The following WNT8B variants were observed in gnomAD, a reference collection of about 807,000 sequenced individuals.
The protein encoded by WNT8B is protein Wnt-8b.
A neutral mutation model predicts 36.6 loss-of-function variants in WNT8B; 24 were observed. The observed-to-expected ratio is 0.66, with a 90% confidence interval of 0.48 to 0.92. WNT8B has a LOEUF of 0.92. WNT8B is among the 40% of genes least tolerant of loss of function. WNT8B has a pLI of 0.00. For missense variants in WNT8B, 402 were observed against 470.8 expected, an observed-to-expected ratio of 0.85 and a Z score of 1.35; for synonymous variants, 199 against 189.8, an observed-to-expected ratio of 1.05 and a Z score of -0.40.
At chr10:100,464,930 A>G (rs1251469224) in intron 1 of WNT8B, among the ~76,000 whole-genome samples, 4 of 152,234 alleles carry the variant, frequency 2.6e-5, no homozygotes, top group Non-Finnish European at 5.9e-5. Flanking sequence ...TAATGAAACT[A>G]TCACGGTTTT....
Position 100,476,511 on chromosome 10 carries a change from T to C in WNT8B, c.69-2541T>C, listed in dbSNP as rs9419895. Among the ~76,000 whole-genome samples, 869 of 152,322 alleles carry C rather than the reference T, an allele frequency of 5.7e-3. 12 individuals are homozygous for C. Among genetic ancestry groups the C allele is most frequent in the African/African-American group, 0.019 (773 of 41,560 alleles). ...AAGCTCTTTTGGCCTGACAAGAAACTTTCTTGGTCTATTTCATTTCCAATC... is the reference window on the plus strand; with the variant it reads ...AAGCTCTTTTGGCCTGACAAGAAACCTTCTTGGTCTATTTCATTTCCAATC... On this transcript the variant is annotated intron_variant, in intron 1 of 5. Coordinates refer to ENST00000343737, the MANE Select transcript of WNT8B (RefSeq NM_003393.4).
At chr10:100,467,007 G>A (rs1012988895) in intron 1 of WNT8B, among the ~76,000 whole-genome samples, 4 of 151,766 alleles carry the variant, frequency 2.6e-5, no homozygotes, top group African/African-American at 9.7e-5. Flanking sequence ...AAAAGATCAG[G>A]CTAGGTTAAC....
intron 4 of WNT8B, 111 bp from the exon 5 acceptor site, chr10:100,481,801 T>TAA: frequency 6.8e-7 from 1 of 1,460,260 alleles, no homozygotes; most frequent in African/African-American, 1.4e-5. Context: ...CGCCCAACCT[T>TAA]AATCCTCTCC....
In WNT8B at chr10:100,482,545, T is replaced by G. The variant is rs1479197690; in HGVS notation, c.785T>G (p.Leu262Arg). 6.3e-7 allele frequency: 1 copy of G among 1,599,422 alleles called. No homozygotes were observed. Among genetic ancestry groups the G allele is most frequent in the African/African-American group, 1.3e-5 (1 of 75,010 alleles). The change falls in exon 6 of 6, where the codon CTA (leucine) becomes CGA (arginine). Residue 262 changes from leucine (L) to arginine (R), a missense_variant. Leu to Arg is a moderately radical substitution (Grantham distance 102). Around this residue, in one of 3 missense-constraint regions of WNT8B, gnomAD observed 256 missense variants for 278.6 expected, o/e 0.92. Coordinates refer to ENST00000343737, the MANE Select transcript of WNT8B (RefSeq NM_003393.4). This position sits in a 1 kb window ranked among gnomAD's most constrained non-coding sequence, Gnocchi z 6.6. ...GACTACTGCCTGGAGAACAAAACGCTAGGGCTGCTGGGCACCGAAGGCCGA... is the reference window on the plus strand; with the variant it reads ...GACTACTGCCTGGAGAACAAAACGCGAGGGCTGCTGGGCACCGAAGGCCGA... ...SPDYCLENKTLGLLGTEGREC... is the reference protein window; with the variant it reads ...SPDYCLENKTRGLLGTEGREC...
chr10:100,464,205 A>G (rs1463432658), intron 1 of WNT8B, among the ~76,000 whole-genome samples: 1 of 152,196 alleles, frequency 6.6e-6, no homozygotes, highest in African/African-American at 2.4e-5. Flanking sequence ...TTTATCATAA[A>G]TGAGTGTAGC....
At chr10:100,467,237 G>T (rs1850916758) in intron 1 of WNT8B, among the ~76,000 whole-genome samples, 1 of 152,056 alleles carries the variant, frequency 6.6e-6, no homozygotes, top group Non-Finnish European at 1.5e-5. Flanking sequence ...TGCTTCTTAG[G>T]TTAGAGTTTT....
intron 1 of WNT8B, among the ~76,000 whole-genome samples, chr10:100,474,343 A>C (rs1251937644): frequency 6.6e-6 from 1 of 152,224 alleles, no homozygotes; most frequent in Admixed American, 6.5e-5. Flanking sequence ...TCTTAAATTT[A>C]CATCTTCAGT....
intron 1 of WNT8B, among the ~76,000 whole-genome samples, chr10:100,466,607 T>G (rs1850909857): frequency 6.6e-6 from 1 of 152,150 alleles, no homozygotes; most frequent in South Asian, 2.1e-4. Flanking sequence ...GATGCATCTT[T>G]GTTTTAGTTT....
At chr10:100,475,097 G>C (rs1466297840) in intron 1 of WNT8B, among the ~76,000 whole-genome samples, 1 of 151,880 alleles carries the variant, frequency 6.6e-6, no homozygotes, top group Non-Finnish European at 1.5e-5. Context: ...AAAATTAGCT[G>C]GGTGTGGTGG....
chr10:100,481,340 T>C (rs1323583832), intron 4 of WNT8B, among the ~76,000 whole-genome samples: 1 of 152,152 alleles, frequency 6.6e-6, no homozygotes, highest in East Asian at 1.9e-4. Flanking sequence ...TTAATTTAAA[T>C]ATAAAAATAA....
At chr10:100,471,880 C>T (rs1044983544) in intron 1 of WNT8B, among the ~76,000 whole-genome samples, 2 of 152,056 alleles carry the variant, frequency 1.3e-5, no homozygotes, top group African/African-American at 4.8e-5. Context: ...CACAACGAGA[C>T]CCTGTCTCTA....
rs138709733 is a variant in WNT8B at position 100,482,549 on chromosome 10, G to T, written c.789G>T (p.Gly263=). The T allele has an allele frequency of 5.0e-5, 80 of 1,599,138 alleles. No homozygotes were observed. In the Middle Eastern group the frequency reaches 1.2e-3, roughly 23 times the overall value. The part of the protein sequence containing the change: ...PDYCLENKTL[G]LLGTEGRECL... Reference sequence around the variant, plus strand: ...ACTGCCTGGAGAACAAAACGCTAGGGCTGCTGGGCACCGAAGGCCGAGAGT... The same window carrying T: ...ACTGCCTGGAGAACAAAACGCTAGGTCTGCTGGGCACCGAAGGCCGAGAGT... Residue 263 remains glycine (G), a synonymous_variant, in exon 6 of 6, where the codon GGG becomes GGT. Transcript: ENST00000343737. This position sits in a 1 kb window ranked among gnomAD's most constrained non-coding sequence, Gnocchi z 6.6.
Position 100,482,309 on chromosome 10 carries a change from C to T in WNT8B, c.549C>T (p.His183=), listed in dbSNP as rs758327728. The change falls in exon 6 of 6, where the codon CAC becomes CAT. Residue 183 remains histidine, a synonymous_variant. Coordinates refer to ENST00000343737, the MANE Select transcript of WNT8B (RefSeq NM_003393.4). This position sits in a 1 kb window ranked among gnomAD's most constrained non-coding sequence, Gnocchi z 6.6. ...CCATGAAACGCACGTGCAAGTGCCA[C>T]GGCGTGTCTGGCAGCTGCACCACGC... ...KGTMKRTCKC[H]GVSGSCTTQT... 2.5e-6 allele frequency: 4 copies of T among 1,597,260 alleles called. No individual in the cohort carries two copies. The highest frequency in any genetic ancestry group is 2.7e-5 in the African/African-American group (2 of 74,840).
At chr10:100,471,394 G>C (rs1339701247) in intron 1 of WNT8B, among the ~76,000 whole-genome samples, 1 of 152,246 alleles carries the variant, frequency 6.6e-6, no homozygotes, top group Non-Finnish European at 1.5e-5. Flanking sequence ...GTGCCCAGGG[G>C]ATGTCGTGCT....
At chr10:100,476,902 A>G (rs980559748) in intron 1 of WNT8B, among the ~76,000 whole-genome samples, 6 of 152,144 alleles carry the variant, frequency 3.9e-5, no homozygotes, top group African/African-American at 1.4e-4. Flanking sequence ...AGACTTCACC[A>G]TTTTTACATG....
At position 100,464,216 on chromosome 10, in the gene WNT8B, C is replaced by T. The variant is rs549542308; in HGVS notation, c.68+980C>T. On this transcript the variant is annotated intron_variant, in intron 1 of 5. Coordinates refer to ENST00000343737, the MANE Select transcript of WNT8B (RefSeq NM_003393.4). Reference sequence around the variant, plus strand: ...CATTTTTATCATAAATGAGTGTAGCCGTCTTTATAGGAGTGTTGATAGGAA... The same window carrying T: ...CATTTTTATCATAAATGAGTGTAGCTGTCTTTATAGGAGTGTTGATAGGAA... Among the ~76,000 whole-genome samples the T allele has an allele frequency of 6.8e-4, 104 of 152,108 alleles. 1 individual carries two copies. In the South Asian group the frequency reaches 0.021, roughly 31 times the overall value.
Position 100,482,232 on chromosome 10 carries a change from G to T in WNT8B, c.511-39G>T. On this transcript the variant is annotated intron_variant, in intron 5 of 5. Coordinates refer to ENST00000343737, the MANE Select transcript of WNT8B (RefSeq NM_003393.4). This position sits in a 1 kb window ranked among gnomAD's most constrained non-coding sequence, Gnocchi z 6.6. Reference sequence around the variant, plus strand: ...ACAGGGGCAGTTAAACTCGCCACGCGCTTAATCCGGGGCCTCTCACTCCTA... The same window carrying T: ...ACAGGGGCAGTTAAACTCGCCACGCTCTTAATCCGGGGCCTCTCACTCCTA... 6.5e-7 allele frequency: 1 copy of T among 1,547,040 alleles called. No individual in the cohort carries two copies. Among genetic ancestry groups the T allele is most frequent in the East Asian group, 2.3e-5 (1 of 44,190 alleles).
intron 1 of WNT8B, 76 bp from the exon 2 acceptor site, chr10:100,478,976 C>A: frequency 7.6e-7 from 1 of 1,312,754 alleles, no homozygotes; most frequent in Non-Finnish European, 1.1e-6. Flanking sequence ...TGAAGTAATT[C>A]TTACCACTCT....
intron 1 of WNT8B, among the ~76,000 whole-genome samples, chr10:100,471,627 C>G (rs370491822): frequency 2.6e-4 from 40 of 152,314 alleles, no homozygotes; most frequent in African/African-American, 6.7e-4. Context: ...GGAATAAGAG[C>G]AAGGGAAAAA....
Sources: allele counts gnomAD v4.1 joint callset (sites outside exome capture counted in the v4.1 genomes callset), GRCh38; gene constraint gnomAD v4.1.1; regional missense constraint gnomAD v4.1.1; non-coding constraint Gnocchi (gnomAD v3.1); transcripts MANE v1.5; gene names NCBI Gene and HGNC (gene_info 2026-07-23, HGNC 2026-07-21).